The following NSMAF variants were observed in gnomAD, a reference collection of about 807,000 sequenced individuals.
NSMAF encodes the protein protein FAN.
Under a neutral mutation model 134.9 loss-of-function variants are expected in NSMAF, and 90 were observed. That is an observed-to-expected ratio of 0.67 (90% CI 0.56 to 0.79). The LOEUF (loss-of-function observed/expected upper bound fraction) is 0.79, where lower values mean the gene tolerates loss of function less well. Among genes scored for constraint, NSMAF ranks in the 30% least tolerant of loss-of-function variants. The pLI is 0.00. For synonymous variants in NSMAF, 358 were observed against 389.6 expected, an observed-to-expected ratio of 0.92 and a Z score of 0.96; for missense variants, 1,010 against 1,119.0, an observed-to-expected ratio of 0.90 and a Z score of 1.39.
At chr8:58,587,132 G>C (rs1805903753) in intron 27 of NSMAF, among the ~76,000 whole-genome samples, 1 of 152,244 alleles carries the variant, frequency 6.6e-6, no homozygotes, top group South Asian at 2.1e-4. Context: ...ATAAGATGCA[G>C]CAGCGTGACC....
chr8:58,655,843 C>G (rs1047037364), intron 1 of NSMAF, among the ~76,000 whole-genome samples: 3 of 151,670 alleles, frequency 2.0e-5, no homozygotes, highest in South Asian at 2.1e-4. Flanking sequence ...GGAGGCGGAA[C>G]TTGCAGTGGG....
Position 58,589,962 on chromosome 8 carries a change from C to A in NSMAF, c.2087+45G>T, listed in dbSNP as rs751825537. On this transcript the variant is annotated intron_variant, in intron 25 of 30. Transcript: ENST00000038176. Reference sequence around the variant, plus strand: ...TCACACCTCATGTCCACAGAGGCAGCTATTCTGCACGTCGAATCACAGAGC... The same window carrying A: ...TCACACCTCATGTCCACAGAGGCAGATATTCTGCACGTCGAATCACAGAGC... The A allele has an allele frequency of 2.0e-6, 3 of 1,523,752 alleles. No homozygotes were observed. In the South Asian group the frequency reaches 3.4e-5, roughly 17 times the overall value. The allele number at this position is 1,523,752 out of a possible 1,614,324, so 94.4% of individuals were successfully genotyped here.
intron 1 of NSMAF, among the ~76,000 whole-genome samples, chr8:58,653,159 C>T (rs72647463): frequency 0.03 from 4,609 of 152,132 alleles, 93 homozygotes; most frequent in Non-Finnish European, 0.049. Flanking sequence ...AGCTTCAGAT[C>T]TTAAATTTAA....
In NSMAF at chr8:58,595,589, C is replaced by T. The variant is rs1442421073; in HGVS notation, c.1863G>A (p.Gln621=). 6.2e-7 allele frequency: 1 copy of T among 1,613,898 alleles called. No homozygotes were observed. The highest frequency in any genetic ancestry group is 8.5e-7 in the Non-Finnish European group (1 of 1,179,776). ...TGTGGATTTTATAGTGCTCGTGTAA[C>T]TGCAGTTTGGTGATGTTATTCCAGG... ...TLAWNNITKL[Q]LHEHYKIHKE... The change falls in exon 22 of 31, where the codon CAG becomes CAA. Residue 621 remains glutamine, a synonymous_variant. Transcript: ENST00000038176.
In NSMAF at chr8:58,612,909, G is replaced by A. The variant is rs560797661; in HGVS notation, c.558-3176C>T. Among the ~76,000 whole-genome samples the A allele has an allele frequency of 9.2e-5, 14 of 152,138 alleles. No individual in the cohort carries two copies. The South Asian group carries it at 2.3e-3, about 25-fold the overall frequency. Reference sequence around the variant, plus strand: ...AATTCAAATCATGGGGCTCTTCACCGGAAACAATGGAATGACAATCTTTAA... The same window carrying A: ...AATTCAAATCATGGGGCTCTTCACCAGAAACAATGGAATGACAATCTTTAA... On this transcript the variant is annotated intron_variant, in intron 9 of 30. Transcript: ENST00000038176.
intron 26 of NSMAF, 89 bp from the exon 27 acceptor site, chr8:58,587,790 T>C (rs1290079084): frequency 8.2e-6 from 9 of 1,092,644 alleles, no homozygotes; most frequent in Non-Finnish European, 1.2e-5. Context: ...CTATGCTCAA[T>C]TTCCATTTAA....
intron 9 of NSMAF, among the ~76,000 whole-genome samples, chr8:58,618,189 A>G (rs1193701931): frequency 1.3e-5 from 2 of 152,126 alleles, no homozygotes; most frequent in Non-Finnish European, 2.9e-5. Flanking sequence ...GAGGGATAGC[A>G]TTAGGAGAAA....
chr8:58,634,335 G>C (rs528281870), intron 5 of NSMAF, among the ~76,000 whole-genome samples: 6 of 152,214 alleles, frequency 3.9e-5, no homozygotes, highest in African/African-American at 9.6e-5. Context: ...TGAACAAAAG[G>C]CTTCAGTGAT....
intron 1 of NSMAF, among the ~76,000 whole-genome samples, chr8:58,649,243 C>T (rs1807528675): frequency 6.6e-6 from 1 of 152,238 alleles, no homozygotes; most frequent in African/African-American, 2.4e-5. Context: ...GTGAGGCCTA[C>T]TGCCCCTTTC....
intron 23 of NSMAF, among the ~76,000 whole-genome samples, chr8:58,593,151 C>G (rs908530350): frequency 9.2e-5 from 14 of 152,172 alleles, no homozygotes; most frequent in African/African-American, 3.4e-4. Flanking sequence ...TTGGCAAACT[C>G]CACAGGTAGA....
chr8:58,631,338 T>C (rs529153411), intron 6 of NSMAF, 158 bp downstream of exon 6: 25 of 407,142 alleles, frequency 6.1e-5, no homozygotes, highest in African/African-American at 5.2e-4. Flanking sequence ...AAATAAAATC[T>C]GTGGCTCCCT....
At chr8:58,634,125 G>A (rs1012293778) in intron 5 of NSMAF, among the ~76,000 whole-genome samples, 3 of 152,086 alleles carry the variant, frequency 2.0e-5, no homozygotes, top group East Asian at 3.8e-4. Context: ...TATTAATAAC[G>A]ATGTTTGGTC....
chr8:58,585,160 G>C (rs920145857), intron 30 of NSMAF, among the ~76,000 whole-genome samples: 1 of 152,130 alleles, frequency 6.6e-6, no homozygotes. Context: ...GGGCAGAACA[G>C]TTTATTATAC....
chr8:58,626,925 T>C (rs1231249704), intron 6 of NSMAF, among the ~76,000 whole-genome samples: 3 of 152,238 alleles, frequency 2.0e-5, no homozygotes, highest in Non-Finnish European at 2.9e-5. Flanking sequence ...TGATACCTCA[T>C]TGTGGTTTTA....
chr8:58,609,753 C>A lies in NSMAF; in HGVS notation c.558-20G>T, dbSNP rs1467464402. The A allele has an allele frequency of 6.2e-7, 1 of 1,612,046 alleles. No homozygotes were observed. The highest frequency in any genetic ancestry group is 1.3e-5 in the African/African-American group (1 of 74,808). ...TGGAACCTGAAAATAGGTTTTTCAG[C>A]AAAAGTAAGAAAAATCAGAAATTGA... On this transcript the variant is annotated intron_variant, in intron 9 of 30. Transcript: ENST00000038176.
intron 1 of NSMAF, among the ~76,000 whole-genome samples, chr8:58,656,087 C>T (rs929380158): frequency 4.0e-5 from 6 of 151,898 alleles, no homozygotes; most frequent in East Asian, 4.0e-4. Context: ...GGCACCATCT[C>T]GGCTCACTAC....
At chr8:58,636,634 T>C (rs1310635120) in intron 2 of NSMAF, among the ~76,000 whole-genome samples, 5 of 152,236 alleles carry the variant, frequency 3.3e-5, no homozygotes, top group African/African-American at 1.2e-4. Flanking sequence ...TTGTGGGCCA[T>C]ATGGTCTCAG....
intron 9 of NSMAF, 37 bp downstream of exon 9, chr8:58,623,183 C>A (rs1429571565): frequency 6.7e-7 from 1 of 1,498,126 alleles, no homozygotes. Context: ...AAAATGTCCA[C>A]CACTTTTCTA....
At chr8:58,620,392 TTCAAGATGCATCA>T (rs1330300106) in intron 9 of NSMAF, among the ~76,000 whole-genome samples, 2 of 152,164 alleles carry the variant, frequency 1.3e-5, no homozygotes, top group East Asian at 3.9e-4. Context: ...GGGCACAGAA[TTCAAGATGCATCA>T]TCAACGACTA....
Sources: gnomAD v4.1 joint callset for allele counts (sites outside exome capture counted in the v4.1 genomes callset) on GRCh38, gnomAD v4.1.1 for gene constraint, MANE v1.5 for transcripts, NCBI Gene and HGNC (gene_info 2026-07-23, HGNC 2026-07-21) for gene names.